Variants in TTN observed in about 807,000 individuals in gnomAD.
The protein encoded by TTN is connectin.
Under a neutral mutation model 3,223.0 loss-of-function variants are expected in TTN, and 1,525 were observed. That is an observed-to-expected ratio of 0.47 (90% CI 0.45 to 0.49). The LOEUF (loss-of-function observed/expected upper bound fraction) is 0.49. Among genes scored for constraint, TTN ranks in the 20% least tolerant of loss-of-function variants. The pLI, the probability that TTN is intolerant of heterozygous loss-of-function variation, is 0.00. For missense variants in TTN, 40,786 were observed against 43,424.0 expected (o/e 0.94, Z 5.40); for synonymous variants, 14,094 against 15,161.0 (o/e 0.93, Z 5.17).
Position 178,580,126 on chromosome 2 carries a change from T to A in TTN, c.67161A>T (p.Ile22387=). 2 of 1,613,396 alleles carry A rather than the reference T, an allele frequency of 1.2e-6. No individual in the cohort carries two copies. Among genetic ancestry groups the A allele is most frequent in the Non-Finnish European group, 8.5e-7 (1 of 1,179,506 alleles). The change falls in exon 318 of 363, where the codon ATA becomes ATT. Residue 22387 remains isoleucine, a synonymous_variant. Transcript: ENST00000589042. ...CATCACGTTTTTGTACCACATAGTT[T>A]ATGATGGGGCTTCCGCCATCAATAA... ...PPIIDGGSPI[I]NYVVQKRDAE...
At chr2:178,600,056 T>C (rs766891335) in intron 288 of TTN, among the ~76,000 whole-genome samples, 15 of 151,994 alleles carry the variant, frequency 9.9e-5, no homozygotes, top group Non-Finnish European at 2.1e-4. Flanking sequence ...TGGATCTACA[T>C]GTGGCTATGT....
intron 59 of TTN, 32 bp from the exon 60 acceptor site, chr2:178,731,235 T>C (rs772792034): frequency 1.9e-6 from 3 of 1,610,542 alleles, no homozygotes; most frequent in Admixed American, 1.7e-5. Context: ...ATGTGGGTTG[T>C]GCATTACCCT....
rs397517760 is a variant in TTN at position 178,545,924 on chromosome 2, C to T, written c.95312G>A (p.Arg31771Lys). The change falls in exon 343 of 363, where the codon AGG becomes AAG. Residue 31771 changes from arginine (R) to lysine (K), a missense_variant. Physicochemically the swap from Arg to Lys is conservative, Grantham distance 26 (BLOSUM62 2). Coordinates refer to ENST00000589042, the MANE Select transcript of TTN (RefSeq NM_001267550.2). ...TATGTACTCATTGTTCTTGATGAGCCTGGTAACGACATAGGATAGGGTTGG... is the reference window on the plus strand; with the variant it reads ...TATGTACTCATTGTTCTTGATGAGCTTGGTAACGACATAGGATAGGGTTGG... ...ECPTLSYVVT[R>K]LIKNNEYIFR... 3 of 1,613,752 alleles carry T rather than the reference C, an allele frequency of 1.9e-6. No individual in the cohort carries two copies. In the African/African-American group the frequency reaches 4.0e-5, roughly 22 times the overall value.
rs781699559 is a variant in TTN at position 178,675,070 on chromosome 2, G to C, written c.34581C>G (p.Leu11527=). The change falls in exon 150 of 363, where the codon CTC becomes CTG. Residue 11527 remains leucine, a synonymous_variant. Coordinates refer to ENST00000589042, the MANE Select transcript of TTN (RefSeq NM_001267550.2). ...PKKVEEKRII[L]PKEEEVLPVE... ...CTGGTAGAACTTCCTCTTCTTTAGG[G>C]AGAATGATTCGTTTTTCTTCCACCT... The C allele has an allele frequency of 2.6e-6, 4 of 1,554,328 alleles. No homozygotes were observed. The highest frequency in any genetic ancestry group is 1.7e-4 in the Middle Eastern group (1 of 5,954).
rs550130914 is a variant in TTN at position 178,546,691 on chromosome 2, A to T, written c.94737T>A (p.Thr31579=). The T allele has an allele frequency of 1.2e-6, 2 of 1,613,782 alleles. No homozygotes were observed. Among genetic ancestry groups the T allele is most frequent in the African/African-American group, 2.7e-5 (2 of 75,042 alleles). ...TCTTGGCTAACACACGGAACTCATA[A>T]GTGTCTCCTTCACTGAGAGCAGTCA... ...FTVTALSEGD[T]YEFRVLAKNA... Residue 31579 remains threonine (T), a synonymous_variant, in exon 341 of 363, where the codon ACT becomes ACA. Transcript: ENST00000589042.
Position 178,732,996 on chromosome 2 carries a change from C to T in TTN, c.16180G>A (p.Gly5394Ser). Residue 5394 changes from glycine (G) to serine (S), a missense_variant, in exon 55 of 363, where the codon GGC (glycine) becomes AGC (serine). Physicochemically the swap from Gly to Ser is moderately conservative, Grantham distance 56. Coordinates refer to ENST00000589042, the MANE Select transcript of TTN (RefSeq NM_001267550.2). ...CTGTCAGAAGCAGCTATTTCTTTGC[C>T]ATCCTTAAACCAGGACACCCTCATG... is the stretch of plus-strand genomic sequence containing the variant. ...LPMRVSWFKD[G>S]KEIAASDRYR... 2 of 1,613,544 alleles carry T rather than the reference C, an allele frequency of 1.2e-6. No individual in the cohort carries two copies. The highest frequency in any genetic ancestry group is 1.7e-6 in the Non-Finnish European group (2 of 1,179,760).
intron 115 of TTN, 56 bp from the exon 116 acceptor site, chr2:178,694,962 C>G: frequency 8.5e-7 from 1 of 1,179,038 alleles, no homozygotes; most frequent in South Asian, 1.4e-5. Context: ...AAAATTCTCT[C>G]TCTCTCTATC....
Position 178,589,782 on chromosome 2 carries a change from A to C in TTN, c.61943T>G (p.Val20648Gly), listed in dbSNP as rs1576076651. 1 of 1,613,524 alleles carries C rather than the reference A, an allele frequency of 6.2e-7. No homozygotes were observed. The highest frequency in any genetic ancestry group is 8.5e-7 in the Non-Finnish European group (1 of 1,179,594). Residue 20648 changes from valine to glycine, a missense_variant, in exon 304 of 363, where the codon GTA (valine) becomes GGA (glycine). By Grantham distance (109) the Val-to-Gly change is moderately radical. Transcript: ENST00000589042. ...TGTTTCGATGGTTGGCCCAACACCT[A>C]CTTTATTCTCTGCACAAACTCGGAA... ...YYFRVCAENK[V>G]GVGPTIETKT... is the part of the protein sequence containing the mutation.
chr2:178,679,764 A>C, intron 140 of TTN, 82 bp from the exon 141 acceptor site: 1 of 1,537,796 alleles, frequency 6.5e-7, no homozygotes, highest in Non-Finnish European at 8.8e-7. Flanking sequence ...ATCATATTTC[A>C]GCATCTAAAA....
rs751607765 is a variant in TTN, at chr2:178,587,605, T to C, written c.63704A>G (p.Asn21235Ser). Residue 21235 changes from asparagine to serine, a missense_variant, in exon 306 of 363, where the codon AAT becomes AGT. Asn to Ser is a conservative substitution (Grantham distance 46, BLOSUM62 1). Transcript: ENST00000589042. ...TTTTCCTGAGTCATCACGGGTAGAA[T>C]TGGGGATGACAAGGAAGGCCATAGT... ...VDTMAFLVIPNSTRDDSGKYS... is the reference protein window; with the variant it reads ...VDTMAFLVIPSSTRDDSGKYS... The C allele has an allele frequency of 2.1e-5, 34 of 1,612,568 alleles. No homozygotes were observed. In the South Asian group the frequency reaches 2.9e-4, roughly 14 times the overall value.
rs1443089741 is a variant in TTN at position 178,529,238 on chromosome 2, T to C, written c.106532-19A>G. On this transcript the variant is annotated intron_variant, in intron 359 of 362. Transcript: ENST00000589042. ...TTTATAGCTAAAAAAGAAACCTCTG[T>C]AAGGCAAACTTAATTAGAAAGAGAC... 7.0e-7 allele frequency: 1 copy of C among 1,425,430 alleles called. No individual in the cohort carries two copies. The highest frequency in any genetic ancestry group is 2.5e-5 in the East Asian group (1 of 40,412). The allele number at this position is 1,425,430 out of a possible 1,614,324, so 88.3% of individuals were successfully genotyped here. A position where few individuals can be genotyped will look rare whatever the true frequency, so the allele number is the denominator to read the frequency against.
chr2:178,778,854 C>T lies in TTN; in HGVS notation c.4208+20G>A, dbSNP rs375997259. The T allele has an allele frequency of 6.2e-7, 1 of 1,613,396 alleles. No individual in the cohort carries two copies. The highest frequency in any genetic ancestry group is 8.5e-7 in the Non-Finnish European group (1 of 1,179,766). On this transcript the variant is annotated intron_variant, in intron 24 of 362. Coordinates refer to ENST00000589042, the MANE Select transcript of TTN (RefSeq NM_001267550.2). ...AAAACAATTTACATACTAAATAACC[C>T]AAATTATTACAAGTCTTACCTGATT...
Position 178,584,487 on chromosome 2 carries a change from C to T in TTN, c.65064G>A (p.Gly21688=). The change falls in exon 311 of 363, where the codon GGG becomes GGA. Residue 21688 remains glycine, a synonymous_variant. Coordinates refer to ENST00000589042, the MANE Select transcript of TTN (RefSeq NM_001267550.2). ...VAWDRPDSDG[G]SPIIGYLIER... ...CAATCAGATAACCAATAATGGGGCT[C>T]CCTCCATCACTATCTGGTCTGTCCC... The T allele has an allele frequency of 6.8e-6, 11 of 1,613,250 alleles. No homozygotes were observed. The highest frequency in any genetic ancestry group is 1.1e-5 in the South Asian group (1 of 91,056).
intron 55 of TTN, 53 bp downstream of exon 55, chr2:178,732,781 C>A: frequency 6.4e-7 from 1 of 1,565,942 alleles, no homozygotes; most frequent in Non-Finnish European, 8.6e-7. Context: ...GGGAAGATGA[C>A]TTAATTTGAA....
Position 178,572,292 on chromosome 2 carries a change from A to G in TTN, c.73840T>C (p.Ser24614Pro), listed in dbSNP as rs759970555. The change falls in exon 326 of 363, where the codon TCA becomes CCA. Residue 24614 changes from serine to proline, a missense_variant. Transcript: ENST00000589042. ...PAETAESVKA[S>P]ERPLPPGKIT... is the part of the protein sequence containing the mutation. ...TTTCCTGGAGGAAGAGGTCGTTCTG[A>G]TGCTTTCACAGATTCTGCGGTTTCA... 6.2e-7 allele frequency: 1 copy of G among 1,612,424 alleles called. No homozygotes were observed. The highest frequency in any genetic ancestry group is 1.1e-5 in the South Asian group (1 of 91,038).
chr2:178,649,974 CAT>C, intron 210 of TTN, 80 bp from the exon 211 acceptor site: 1 of 1,498,364 alleles, frequency 6.7e-7, no homozygotes, highest in Non-Finnish European at 9.1e-7. Context: ...AAAAACCACA[CAT>C]ATTTCTTGGT....
At chr2:178,744,697 T>TA in intron 47 of TTN, 1 of 979,230 alleles carries the variant, frequency 1.0e-6, no homozygotes. Context: ...CACCTTTTTT[T>TA]AAATTTTAAA....
Position 178,672,274 on chromosome 2 carries a change from G to T in TTN, c.34931-7C>A. ...TCTTCAAGGACAGTTCTCCCTGAAA[G>T]AGCATCTATTTTAAGACTTATTTTT... On this transcript the variant is annotated splice_region_variant and splice_polypyrimidine_tract_variant and intron_variant, in intron 154 of 362. Coordinates refer to ENST00000589042, the MANE Select transcript of TTN (RefSeq NM_001267550.2). 1 of 1,589,968 alleles carries T rather than the reference G, an allele frequency of 6.3e-7. No homozygotes were observed. Among genetic ancestry groups the T allele is most frequent in the South Asian group, 1.1e-5 (1 of 89,246 alleles).
At position 178,652,136 on chromosome 2, in the gene TTN, A is replaced by G. The variant is rs573657954; in HGVS notation, c.39255T>C (p.Pro13085=). 6.2e-7 allele frequency: 1 copy of G among 1,612,492 alleles called. No individual in the cohort carries two copies. Among genetic ancestry groups the G allele is most frequent in the African/African-American group, 1.3e-5 (1 of 75,006 alleles). ...TTTCCGGTTTGGGAGGAATAGCTTC[A>G]GGCACCTTCTTTTCTGGGACAGCTA... The part of the protein sequence containing the change: ...PKVAVPEKKV[P]EAIPPKPESP... The change falls in exon 204 of 363, where the codon CCT becomes CCC. Residue 13085 remains proline (P), a synonymous_variant. Transcript: ENST00000589042.
Sources: gnomAD v4.1 joint callset for allele counts (sites outside exome capture counted in the v4.1 genomes callset) on GRCh38, gnomAD v4.1.1 for gene constraint, MANE v1.5 for transcripts, NCBI Gene and HGNC (gene_info 2026-07-23, HGNC 2026-07-21) for gene names.